SLC4A4: variants seen among roughly 807,000 people sequenced by gnomAD.
The protein encoded by SLC4A4 is electrogenic sodium bicarbonate cotransporter 1.
Under a neutral mutation model 111.5 loss-of-function variants are expected in SLC4A4, and 27 were observed. The ratio of observed to expected loss-of-function variants is 0.24; its 90% confidence interval spans 0.18 to 0.33. SLC4A4 has a LOEUF of 0.33. Ranked by LOEUF, SLC4A4 falls within the 10% of genes least tolerant of loss-of-function variation. The probability of loss-of-function intolerance (pLI) is 1.00; values close to 1 mark genes in which losing one functional copy is unlikely to be tolerated. For missense variants in SLC4A4, 909 were observed against 1,315.5 expected (o/e 0.69, Z 4.78); for synonymous variants, 443 against 463.4 (o/e 0.96, Z 0.57).
intron 3 of SLC4A4, among the ~76,000 whole-genome samples, chr4:71,296,542 C>G (rs1724808299): frequency 1.3e-5 from 2 of 151,770 alleles, no homozygotes; most frequent in South Asian, 4.2e-4. Context: ...TGGGGGGGAA[C>G]CATTGGTACT....
intron 6 of SLC4A4, among the ~76,000 whole-genome samples, chr4:71,394,119 G>A (rs1479457166): frequency 6.6e-6 from 1 of 152,052 alleles, no homozygotes; most frequent in Admixed American, 6.6e-5. Context: ...ATTTCATGAC[G>A]AAGAATCCAA....
At chr4:71,302,011 C>CA (rs1165743365) in intron 3 of SLC4A4, among the ~76,000 whole-genome samples, 1 of 152,142 alleles carries the variant, frequency 6.6e-6, no homozygotes. Context: ...TGGTGCACTG[C>CA]AAAAGATGGC....
intron 2 of SLC4A4, among the ~76,000 whole-genome samples, chr4:71,129,735 G>C (rs892585535): frequency 7.9e-6 from 1 of 127,304 alleles, no homozygotes; most frequent in Admixed American, 9.6e-5. Flanking sequence ...ATCAGTGATA[G>C]ACTGAATAAA....
intron 15 of SLC4A4, among the ~76,000 whole-genome samples, chr4:71,492,436 T>C (rs531046828): frequency 2.6e-5 from 4 of 152,052 alleles, no homozygotes; most frequent in African/African-American, 9.6e-5. Flanking sequence ...TCTCAAAAAA[T>C]AGATTGAAAT....
chr4:71,568,398 C>T lies in SLC4A4; in HGVS notation c.*647C>T, dbSNP rs1737685532. 1 of 152,376 alleles carries T rather than the reference C, an allele frequency of 6.6e-6. No homozygotes were observed. The highest frequency in any genetic ancestry group is 2.4e-5 in the African/African-American group (1 of 41,326). 9.4% of individuals were successfully genotyped at this position (152,376 alleles called of 1,614,324 possible). ...TTTAACTTGCTCTTGCTTGTAAATC[C>T]TAATCTTAGAGTTATCAAAAGAAGA... On this transcript the variant is annotated 3_prime_UTR_variant, in exon 26 of 26. Coordinates refer to ENST00000264485, the MANE Select transcript of SLC4A4 (RefSeq NM_001098484.3).
intron 1 of SLC4A4, among the ~76,000 whole-genome samples, chr4:71,074,060 G>T (rs1414006382): frequency 6.6e-6 from 1 of 152,084 alleles, no homozygotes; most frequent in Non-Finnish European, 1.5e-5. Flanking sequence ...TCCAGGAAAG[G>T]TGCTACTATA....
At chr4:71,150,007 C>T (rs972706960) in intron 2 of SLC4A4, among the ~76,000 whole-genome samples, 12 of 152,026 alleles carry the variant, frequency 7.9e-5, no homozygotes, top group African/African-American at 2.4e-4. Flanking sequence ...CAAGGGTACA[C>T]GATTAGGTTT....
chr4:71,241,868 T>A (rs1438271818), intron 2 of SLC4A4, among the ~76,000 whole-genome samples: 1 of 152,236 alleles, frequency 6.6e-6, no homozygotes, highest in Non-Finnish European at 1.5e-5. Context: ...GTTGAGCCCA[T>A]ACAGACCTTT....
intron 14 of SLC4A4, among the ~76,000 whole-genome samples, chr4:71,478,852 T>C (rs2149118405): frequency 6.6e-6 from 1 of 151,898 alleles, no homozygotes; most frequent in African/African-American, 2.4e-5. Flanking sequence ...GTTAATTGCT[T>C]TTTGAATGAA....
chr4:71,426,970 T>C (rs192112520), intron 7 of SLC4A4, among the ~76,000 whole-genome samples: 150 of 152,214 alleles, frequency 9.9e-4, no homozygotes, highest in African/African-American at 3.5e-3. Context: ...ATATTTGCAG[T>C]GAAATAAGAA....
chr4:71,302,587 C>T (rs1045627112), intron 3 of SLC4A4, among the ~76,000 whole-genome samples: 1 of 152,218 alleles, frequency 6.6e-6, no homozygotes. Flanking sequence ...AGCTCATTCT[C>T]TTTGATGTGC....
chr4:71,180,182 C>T (rs1233607042), intron 2 of SLC4A4, among the ~76,000 whole-genome samples: 2 of 152,144 alleles, frequency 1.3e-5, no homozygotes, highest in African/African-American at 4.8e-5. Flanking sequence ...CTTCCTTACA[C>T]CTTATACAAA....
At chr4:71,106,169 A>G (rs1041048777) in intron 2 of SLC4A4, among the ~76,000 whole-genome samples, 2 of 151,934 alleles carry the variant, frequency 1.3e-5, no homozygotes, top group African/African-American at 4.8e-5. Flanking sequence ...AACACATGAA[A>G]AAATGCTAAC....
At chr4:71,383,530 T>C (rs1403184726) in intron 6 of SLC4A4, among the ~76,000 whole-genome samples, 1 of 152,194 alleles carries the variant, frequency 6.6e-6, no homozygotes, top group African/African-American at 2.4e-5. Context: ...CTCATTTTCT[T>C]AGACTAGAAA....
chr4:71,397,759 C>T (rs553230171), intron 7 of SLC4A4, 106 bp downstream of exon 7: 8 of 966,574 alleles, frequency 8.3e-6, no homozygotes, highest in African/African-American at 4.8e-5. Flanking sequence ...TGGACCTTTA[C>T]GTGCAGACAA....
At chr4:71,435,995 TGTG>T (rs1339963385) in intron 7 of SLC4A4, among the ~76,000 whole-genome samples, 1 of 152,190 alleles carries the variant, frequency 6.6e-6, no homozygotes, top group Admixed American at 6.5e-5. Flanking sequence ...TGGAAGATAG[TGTG>T]GTGATCCCTC....
intron 2 of SLC4A4, among the ~76,000 whole-genome samples, chr4:71,105,524 C>T (rs1742889683): frequency 6.6e-6 from 1 of 151,282 alleles, no homozygotes; most frequent in East Asian, 1.9e-4. Context: ...TGAAACTATA[C>T]TACAAGGCTA....
intron 3 of SLC4A4, among the ~76,000 whole-genome samples, chr4:71,317,900 G>A (rs1726816965): frequency 6.6e-6 from 1 of 151,816 alleles, no homozygotes; most frequent in African/African-American, 2.4e-5. Flanking sequence ...AATGTTCTGA[G>A]GATTAAAGGA....
chr4:71,551,449 G>C (rs1735986481), intron 20 of SLC4A4, among the ~76,000 whole-genome samples: 1 of 151,790 alleles, frequency 6.6e-6, no homozygotes, highest in South Asian at 2.1e-4. Context: ...ACCATTTATT[G>C]AGCTCGGCAT....
Sources: allele counts gnomAD v4.1 joint callset (sites outside exome capture counted in the v4.1 genomes callset), GRCh38; gene constraint gnomAD v4.1.1; transcripts MANE v1.5; gene names NCBI Gene and HGNC (gene_info 2026-07-23, HGNC 2026-07-21).